Variants in ABITRAM observed in about 807,000 individuals in gnomAD.
ABITRAM encodes protein Abitram.
Under a neutral mutation model 22.9 loss-of-function variants are expected in ABITRAM, and 19 were observed. The observed-to-expected ratio is 0.83, with a 90% confidence interval of 0.58 to 1.22. The LOEUF (loss-of-function observed/expected upper bound fraction) is 1.22. Ranked by LOEUF, ABITRAM falls within the 50% of genes most tolerant of loss-of-function variation. The pLI, the probability that ABITRAM is intolerant of heterozygous loss-of-function variation, is 0.00. For synonymous variants in ABITRAM, 70 were observed against 73.9 expected, an observed-to-expected ratio of 0.95 and a Z score of 0.27; for missense variants, 215 against 220.2, an observed-to-expected ratio of 0.98 and a Z score of 0.15.
Position 108,939,658 on chromosome 9 carries a change from G to A in ABITRAM, c.518G>A (p.Arg173His), listed in dbSNP as rs1244663664. ...CAATATGAAGAAGTCATGGTGAAAC[G>A]CATTAATGCCACAACAGCTACGTCA... The part of the protein sequence containing the change: ...QKQYEEVMVK[R>H]INATTATS Residue 173 changes from arginine (R) to histidine (H), a missense_variant, in exon 6 of 6, where the codon CGC becomes CAC. By Grantham distance (29) the Arg-to-His change is conservative (BLOSUM62 0). Coordinates refer to ENST00000322940, the MANE Select transcript of ABITRAM (RefSeq NM_017832.4). 7 of 1,613,922 alleles carry A rather than the reference G, an allele frequency of 4.3e-6. No homozygotes were observed. The highest frequency in any genetic ancestry group is 2.2e-5 in the South Asian group (2 of 91,030).
Position 108,939,695 on chromosome 9 carries a change from A to G in ABITRAM, c.*9A>G, listed in dbSNP as rs1304993171. 1.2e-6 allele frequency: 2 copies of G among 1,612,936 alleles called. No homozygotes were observed. Among genetic ancestry groups the G allele is most frequent in the South Asian group, 1.1e-5 (1 of 90,866 alleles). On this transcript the variant is annotated 3_prime_UTR_variant, in exon 6 of 6. Coordinates refer to ENST00000322940, the MANE Select transcript of ABITRAM (RefSeq NM_017832.4). ...CAACAGCTACGTCATGAGGATTGACATGGAACAAAAAGCAAAGTGGGATTC... is the reference window on the plus strand; with the variant it reads ...CAACAGCTACGTCATGAGGATTGACGTGGAACAAAAAGCAAAGTGGGATTC...
chr9:108,943,624 C>G, downstream of ABITRAM: 2 of 1,210,550 alleles, frequency 1.7e-6, no homozygotes, highest in Non-Finnish European at 2.3e-6. Context: ...TCTGTGGGTA[C>G]TAACAGTTTA....
chr9:108,939,322 T>A, intron 4 of ABITRAM, 50 bp downstream of exon 4: 1 of 1,592,182 alleles, frequency 6.3e-7, no homozygotes, highest in Non-Finnish European at 8.5e-7. Context: ...AGGTAATTTT[T>A]TTTCTTAGAA....
downstream of ABITRAM, chr9:108,943,014 T>C: frequency 3.7e-6 from 6 of 1,612,768 alleles, no homozygotes; most frequent in Non-Finnish European, 4.2e-6. Context: ...AGAGCCATCA[T>C]GGATCTTGTC....
chr9:108,944,960 C>T (rs1052648088), downstream of ABITRAM, among the ~76,000 whole-genome samples: 2 of 152,210 alleles, frequency 1.3e-5, no homozygotes, highest in African/African-American at 2.4e-5. Flanking sequence ...TAGACTCCAA[C>T]CAAATGAAAT....
rs1345897822 is a variant in ABITRAM, at chr9:108,940,833, T to G, written c.*1147T>G. The G allele has an allele frequency of 1.3e-5, 2 of 152,134 alleles. No homozygotes were observed. The highest frequency in any genetic ancestry group is 3.9e-4 in the East Asian group (2 of 5,188). 9.4% of individuals were successfully genotyped at this position (152,134 alleles called of 1,614,324 possible). A position where few individuals can be genotyped will look rare whatever the true frequency, so the allele number is the denominator to read the frequency against. ...ACCTCCAACAACTGTGAATTTATAGTTTAAGAGTGATTTACACTGAATTTC... is the reference window on the plus strand; with the variant it reads ...ACCTCCAACAACTGTGAATTTATAGGTTAAGAGTGATTTACACTGAATTTC... On this transcript the variant is annotated 3_prime_UTR_variant, in exon 6 of 6. Transcript: ENST00000322940.
chr9:108,938,974 ATG>A (rs1830222954), intron 3 of ABITRAM, among the ~76,000 whole-genome samples: 1 of 152,150 alleles, frequency 6.6e-6, no homozygotes, highest in African/African-American at 2.4e-5. Context: ...CCCATTTATC[ATG>A]TGTCTTAGCT....
chr9:108,935,329 C>T (rs1037322598), intron 1 of ABITRAM, among the ~76,000 whole-genome samples: 12 of 152,136 alleles, frequency 7.9e-5, no homozygotes, highest in Non-Finnish European at 1.3e-4. Context: ...TCATAAAGAA[C>T]GGGATGCTAA....
Position 108,934,576 on chromosome 9 carries a change from A to G in ABITRAM, c.79+11A>G, listed in dbSNP as rs201391747. ...GCTGGTACAAACCGGGTAAGTGCGGAGTGATGTTGATCCCTCCTTGGCCGC... is the reference window on the plus strand; with the variant it reads ...GCTGGTACAAACCGGGTAAGTGCGGGGTGATGTTGATCCCTCCTTGGCCGC... On this transcript the variant is annotated intron_variant, in intron 1 of 5. Transcript: ENST00000322940. The G allele has an allele frequency of 6.3e-7, 1 of 1,598,134 alleles. No homozygotes were observed. Among genetic ancestry groups the G allele is most frequent in the South Asian group, 1.1e-5 (1 of 88,474 alleles).
intron 3 of ABITRAM, among the ~76,000 whole-genome samples, chr9:108,937,494 G>A (rs146448717): frequency 2.0e-5 from 3 of 152,260 alleles, no homozygotes; most frequent in Non-Finnish European, 4.4e-5. Flanking sequence ...ACTATTCTAG[G>A]AGACCCTTAT....
intron 3 of ABITRAM, among the ~76,000 whole-genome samples, chr9:108,948,916 A>C (rs1830479241): frequency 6.6e-6 from 1 of 152,218 alleles, no homozygotes; most frequent in South Asian, 2.1e-4. Context: ...GGAGATGTGA[A>C]CATATCATTC....
downstream of ABITRAM, chr9:108,942,784 C>T (rs1225857850): frequency 6.2e-7 from 1 of 1,611,276 alleles, no homozygotes; most frequent in Non-Finnish European, 8.5e-7. Context: ...TTTTACTATC[C>T]ATAGTGTCCT....
In ABITRAM at chr9:108,939,284, T is replaced by C. The variant is rs770579183; in HGVS notation, c.338+12T>C. 6.2e-7 allele frequency: 1 copy of C among 1,609,142 alleles called. No homozygotes were observed. Among genetic ancestry groups the C allele is most frequent in the Non-Finnish European group, 8.5e-7 (1 of 1,178,646 alleles). ...TATACTGTGTCTAGGTGAGTAACTT[T>C]TTAGCCACCATTTAGGAGACCAAAG... On this transcript the variant is annotated intron_variant, in intron 4 of 5. Transcript: ENST00000322940.
intron 4 of ABITRAM, 27 bp downstream of exon 4, chr9:108,939,299 G>A (rs771629177): frequency 1.2e-6 from 2 of 1,603,480 alleles, no homozygotes; most frequent in Admixed American, 3.5e-5. Flanking sequence ...CCACCATTTA[G>A]GAGACCAAAG....
chr9:108,934,648 C>G, intron 1 of ABITRAM, 83 bp downstream of exon 1: 1 of 1,331,840 alleles, frequency 7.5e-7, no homozygotes. Flanking sequence ...ATAAGCCACG[C>G]GCGCTCTCCC....
intron 3 of ABITRAM, among the ~76,000 whole-genome samples, chr9:108,948,564 G>A (rs534331450): frequency 2.0e-5 from 3 of 152,024 alleles, no homozygotes; most frequent in South Asian, 2.1e-4. Context: ...TGTCTTGACC[G>A]AAAGCCTTTG....
intron 3 of ABITRAM, chr9:108,948,115 T>C (rs368965020): frequency 6.6e-7 from 1 of 1,508,216 alleles, no homozygotes; most frequent in Non-Finnish European, 9.2e-7. Context: ...TAATAAATCA[T>C]CTGGAAAACA....
chr9:108,948,553 A>G (rs1830470961), intron 3 of ABITRAM, among the ~76,000 whole-genome samples: 2 of 152,130 alleles, frequency 1.3e-5, no homozygotes, highest in Admixed American at 6.6e-5. Context: ...AGATTTGATA[A>G]TGTCTTGACC....
chr9:108,939,757 G>A lies in ABITRAM; in HGVS notation c.*71G>A. The A allele has an allele frequency of 1.3e-6, 2 of 1,567,912 alleles. No individual in the cohort carries two copies. Among genetic ancestry groups the A allele is most frequent in the South Asian group, 2.4e-5 (2 of 84,618 alleles). ...CCTAAACCATCAGGGTACTAAAGGA[G>A]AAGAACCAGTATATGTAAAGCATAC... is the stretch of plus-strand genomic sequence containing the variant. On this transcript the variant is annotated 3_prime_UTR_variant, in exon 6 of 6. Coordinates refer to ENST00000322940, the MANE Select transcript of ABITRAM (RefSeq NM_017832.4).
Sources: allele counts gnomAD v4.1 joint callset (sites outside exome capture counted in the v4.1 genomes callset), GRCh38; gene constraint gnomAD v4.1.1; transcripts MANE v1.5; gene names NCBI Gene and HGNC (gene_info 2026-07-23, HGNC 2026-07-21).